SPIDR: variants seen among roughly 807,000 people sequenced by gnomAD.
SPIDR encodes DNA repair-scaffolding protein.
A neutral mutation model predicts 104.6 loss-of-function variants in SPIDR; 93 were observed. That is an observed-to-expected ratio of 0.89 (90% CI 0.75 to 1.06). SPIDR has a LOEUF of 1.06. Ranked by LOEUF, SPIDR falls within the 50% of genes least tolerant of loss-of-function variation. SPIDR has a pLI of 0.00. For synonymous variants in SPIDR, 431 were observed against 416.9 expected (o/e 1.03, Z -0.41); for missense variants, 1,154 against 1,111.2 (o/e 1.04, Z -0.55).
chr8:47,502,294 A>G (rs1466445374), intron 8 of SPIDR, among the ~76,000 whole-genome samples: 1 of 152,164 alleles, frequency 6.6e-6, no homozygotes, highest in Non-Finnish European at 1.5e-5. Context: ...TTGGTAAGCT[A>G]TTAATTATTG....
intron 8 of SPIDR, among the ~76,000 whole-genome samples, chr8:47,529,064 T>G (rs1441802543): frequency 1.3e-5 from 2 of 152,000 alleles, no homozygotes; most frequent in African/African-American, 4.8e-5. Context: ...GGAAGAAGAA[T>G]AAGAATTACA....
chr8:47,713,015 C>T, intron 15 of SPIDR, 143 bp downstream of exon 15: 2 of 1,425,110 alleles, frequency 1.4e-6, no homozygotes, highest in Non-Finnish European at 1.8e-6. Flanking sequence ...GCCCATGTAC[C>T]AGCCTCCAGC....
chr8:47,511,620 A>T lies in SPIDR; in HGVS notation c.1097+71078A>T, dbSNP rs1226845133. ...GTACTACATGAACATCTTGGTTGGAATGATGTCTCTTTTCTCCTGCCACAT... is the reference window on the plus strand; with the variant it reads ...GTACTACATGAACATCTTGGTTGGATTGATGTCTCTTTTCTCCTGCCACAT... On this transcript the variant is annotated intron_variant, in intron 8 of 19. Transcript: ENST00000297423. The T allele has an allele frequency of 1.3e-5, 10 of 791,190 alleles. No homozygotes were observed. In the East Asian group the frequency reaches 2.4e-4, roughly 19 times the overall value. The allele number at this position is 791,190 out of a possible 1,614,324, so 49.0% of individuals were successfully genotyped here. A position where few individuals can be genotyped will look rare whatever the true frequency, so the allele number is the denominator to read the frequency against.
intron 14 of SPIDR, among the ~76,000 whole-genome samples, chr8:47,707,387 G>A (rs1307312531): frequency 6.6e-6 from 1 of 151,948 alleles, no homozygotes; most frequent in Non-Finnish European, 1.5e-5. Context: ...GTCCTCTTTG[G>A]TAAAATCCCT....
chr8:47,685,767 T>C (rs1473578315), intron 11 of SPIDR, among the ~76,000 whole-genome samples: 1 of 152,028 alleles, frequency 6.6e-6, no homozygotes, highest in Non-Finnish European at 1.5e-5. Flanking sequence ...GTTGCCAGTA[T>C]GGTCTCAATC....
intron 8 of SPIDR, among the ~76,000 whole-genome samples, chr8:47,441,006 A>T (rs2069317883): frequency 6.6e-6 from 1 of 152,198 alleles, no homozygotes; most frequent in Admixed American, 6.5e-5. Flanking sequence ...ATTTTAAAGG[A>T]TACTATGTGT....
chr8:47,400,570 G>A (rs538263687), intron 6 of SPIDR, among the ~76,000 whole-genome samples: 2 of 152,058 alleles, frequency 1.3e-5, no homozygotes, highest in African/African-American at 4.8e-5. Flanking sequence ...AGCAAGGATT[G>A]AGAGAGGTAG....
chr8:47,584,245 G>T (rs150453272), intron 8 of SPIDR, among the ~76,000 whole-genome samples: 157 of 152,246 alleles, frequency 1.0e-3, no homozygotes, highest in African/African-American at 3.5e-3. Flanking sequence ...TGATCTTTTG[G>T]ATCTACTTAG....
chr8:47,691,290 CAAAAAAA>C (rs60147394), intron 11 of SPIDR, among the ~76,000 whole-genome samples: 3 of 86,630 alleles, frequency 3.5e-5, no homozygotes, highest in East Asian at 3.1e-4. Flanking sequence ...GACTCCGTCT[CAAAAAAA>C]AAAAAAAAAA....
At chr8:47,674,010 T>C (rs2076117731) in intron 11 of SPIDR, 69 bp downstream of exon 11, 2 of 1,523,958 alleles carry the variant, frequency 1.3e-6, no homozygotes, top group Admixed American at 2.3e-5. Context: ...CTTTTGTCTC[T>C]AATTTTATTT....
At chr8:47,517,223 T>C (rs910947055) in intron 8 of SPIDR, among the ~76,000 whole-genome samples, 4 of 152,172 alleles carry the variant, frequency 2.6e-5, no homozygotes, top group African/African-American at 9.7e-5. Context: ...TGACCTCAAG[T>C]GATCAACCCG....
At chr8:47,593,347 C>G (rs1441221658) in intron 8 of SPIDR, among the ~76,000 whole-genome samples, 1 of 152,030 alleles carries the variant, frequency 6.6e-6, no homozygotes, top group Non-Finnish European at 1.5e-5. Context: ...TCTGAAACTT[C>G]CATTTTTAAG....
intron 10 of SPIDR, among the ~76,000 whole-genome samples, chr8:47,625,006 G>C (rs183781525): frequency 6.6e-6 from 1 of 152,112 alleles, no homozygotes; most frequent in East Asian, 1.9e-4. Context: ...CTGGCAAATC[G>C]AATCCAGCAG....
chr8:47,359,092 T>TA (rs1169166306), intron 5 of SPIDR, among the ~76,000 whole-genome samples: 30 of 147,888 alleles, frequency 2.0e-4, no homozygotes, highest in South Asian at 6.5e-4. Flanking sequence ...AAAAAATTGT[T>TA]AAAAAAAAAA....
chr8:47,344,569 GT>G (rs2051476670), intron 5 of SPIDR, among the ~76,000 whole-genome samples: 1 of 152,216 alleles, frequency 6.6e-6, no homozygotes, highest in Non-Finnish European at 1.5e-5. Context: ...GGTTGAACCA[GT>G]TTACAGTCTC....
In SPIDR at chr8:47,723,539, T is replaced by C. The variant is rs1471754987; in HGVS notation, c.2342-3661T>C. ...CCGCCTCCCGGGTTCATGCCATTCT[T>C]CTGCCTCAGCCTCCTGAGTAGCTGG... On this transcript the variant is annotated intron_variant, in intron 16 of 19. Coordinates refer to ENST00000297423, the MANE Select transcript of SPIDR (RefSeq NM_001080394.4). Among the ~76,000 whole-genome samples the C allele has an allele frequency of 3.3e-5, 5 of 151,834 alleles. No individual in the cohort carries two copies. In the East Asian group the frequency reaches 7.8e-4, roughly 24 times the overall value.
chr8:47,700,037 TACATAC>T (rs1292296839), intron 11 of SPIDR, among the ~76,000 whole-genome samples: 1 of 152,202 alleles, frequency 6.6e-6, no homozygotes, highest in Non-Finnish European at 1.5e-5. Flanking sequence ...TAGATACACA[TACATAC>T]ACACACACAC....
At chr8:47,697,320 CTT>C (rs1417906091) in intron 11 of SPIDR, among the ~76,000 whole-genome samples, 2 of 151,814 alleles carry the variant, frequency 1.3e-5, no homozygotes, top group African/African-American at 4.8e-5. Flanking sequence ...AAAAACAACA[CTT>C]ATATTTATTT....
intron 4 of SPIDR, among the ~76,000 whole-genome samples, chr8:47,292,945 C>T (rs2040189930): frequency 6.6e-6 from 1 of 152,038 alleles, no homozygotes; most frequent in African/African-American, 2.4e-5. Flanking sequence ...GCTCTGAGGG[C>T]ACTTGTGTTT....
Sources: allele counts gnomAD v4.1 joint callset (sites outside exome capture counted in the v4.1 genomes callset), GRCh38; gene constraint gnomAD v4.1.1; transcripts MANE v1.5; gene names NCBI Gene and HGNC (gene_info 2026-07-23, HGNC 2026-07-21).